Variants in RBBP8NL observed in about 807,000 individuals in gnomAD.
RBBP8NL encodes the protein RBBP8 N-terminal-like protein.
RBBP8NL carries 59 observed loss-of-function variants against 62.2 expected under a neutral mutation model. The ratio of observed to expected loss-of-function variants is 0.95; its 90% CI spans 0.77 to 1.18. The LOEUF (loss-of-function observed/expected upper bound fraction) is 1.18. Among genes scored for constraint, RBBP8NL ranks in the 50% most tolerant of loss-of-function variants. The pLI is 0.00. For missense variants in RBBP8NL, 896 were observed against 899.5 expected, an observed-to-expected ratio of 1.00 and a Z score of 0.05; for synonymous variants, 412 against 394.1, an observed-to-expected ratio of 1.05 and a Z score of -0.54.
rs1988457728 is a variant in RBBP8NL, at chr20:62,412,616, A to G, written c.1876+8T>C. 6.2e-7 allele frequency: 1 copy of G among 1,602,396 alleles called. No homozygotes were observed. The highest frequency in any genetic ancestry group is 1.1e-5 in the South Asian group (1 of 90,932). On this transcript the variant is annotated splice_region_variant and intron_variant, in intron 13 of 13. Transcript: ENST00000252998. The stretch of plus-strand genomic sequence containing the variant: ...CCCTTCCCTGCACCTGCCCCATGCC[A>G]GCTGTACCTTTGTCCCCAGGCTCCG...
At position 62,410,533 on chromosome 20, in the gene RBBP8NL, G is replaced by C; in HGVS notation, c.*345C>G. The C allele has an allele frequency of 3.2e-6, 1 of 314,590 alleles. No homozygotes were observed. Among genetic ancestry groups the C allele is most frequent in the South Asian group, 5.0e-5 (1 of 20,186 alleles). 19.5% of individuals were successfully genotyped at this position (314,590 alleles called of 1,614,324 possible). ...CCACACCCCTCAGGGAGCAGGTGCT[G>C]GGCTGTGGGAGGGGCCGCAGAGCAT... On this transcript the variant is annotated 3_prime_UTR_variant, in exon 14 of 14. Coordinates refer to ENST00000252998, the MANE Select transcript of RBBP8NL (RefSeq NM_080833.3).
At chr20:62,415,731 A>G in intron 7 of RBBP8NL, 57 bp downstream of exon 7, 1 of 1,606,420 alleles carries the variant, frequency 6.2e-7, no homozygotes, top group Non-Finnish European at 8.5e-7. Context: ...CCCCAGGGGG[A>G]GGATCCCTGG....
chr20:62,410,894 G>T lies in RBBP8NL; in HGVS notation c.1979C>A (p.Pro660His). 3 of 1,612,570 alleles carry T rather than the reference G, an allele frequency of 1.9e-6. No individual in the cohort carries two copies. The highest frequency in any genetic ancestry group is 2.5e-6 in the Non-Finnish European group (3 of 1,179,242). The change falls in exon 14 of 14, where the codon CCC becomes CAC. Residue 660 changes from proline to histidine, a missense_variant. Coordinates refer to ENST00000252998, the MANE Select transcript of RBBP8NL (RefSeq NM_080833.3). Reference sequence around the variant, plus strand: ...GCAGGCTGGCTAGGTCTCCTCCCAGGGGCTGCTGTTGGGGGAGGGACTGTG... The same window carrying T: ...GCAGGCTGGCTAGGTCTCCTCCCAGTGGCTGCTGTTGGGGGAGGGACTGTG... ...EDHSPSPNSS[P>H]WEET
chr20:62,416,293 G>GGGGGGGGGGGGGGGC, intron 5 of RBBP8NL, 57 bp from the exon 6 acceptor site: 1 of 701,048 alleles, frequency 1.4e-6, no homozygotes, highest in Non-Finnish European at 2.5e-6. Flanking sequence ...AGGGGCAGGG[G>GGGGGGGGGGGGGGGC]TGGGGTCGTC....
intron 13 of RBBP8NL, among the ~76,000 whole-genome samples, chr20:62,411,335 G>T (rs1601484135): frequency 6.6e-6 from 1 of 152,242 alleles, no homozygotes; most frequent in East Asian, 1.9e-4. Context: ...CTGCCCCCGG[G>T]CTAGGGCCAC....
chr20:62,422,987 G>A (rs924273085), intron 1 of RBBP8NL, among the ~76,000 whole-genome samples: 2 of 152,216 alleles, frequency 1.3e-5, no homozygotes, highest in East Asian at 1.9e-4. Context: ...TGTTGGGTGG[G>A]TGAGGGATCC....
chr20:62,421,395 CAGTGTGCGTG>C (rs759809369), intron 1 of RBBP8NL, among the ~76,000 whole-genome samples: 405 of 123,100 alleles, frequency 3.3e-3, no homozygotes, highest in Admixed American at 6.4e-3. Context: ...ACACCCAAGT[CAGTGTGCGTG>C]AGTGTGCGTG....
In RBBP8NL at chr20:62,412,715, C is replaced by T. The variant is rs540423937; in HGVS notation, c.1785G>A (p.Thr595=). The T allele has an allele frequency of 6.8e-6, 11 of 1,610,988 alleles. No individual in the cohort carries two copies. The highest frequency in any genetic ancestry group is 3.3e-4 in the Middle Eastern group (2 of 6,058). ...AGATGCACTCAGGCCCCTCCCCGGT[C>T]GTGCTCGTAGTGGCCTCCGCCTGGG... ...LSSQAEATTS[T]TGEGPECICT... Residue 595 remains threonine (T), a synonymous_variant, in exon 13 of 14, where the codon ACG becomes ACA. Coordinates refer to ENST00000252998, the MANE Select transcript of RBBP8NL (RefSeq NM_080833.3).
chr20:62,411,782 C>T (rs183319622), intron 13 of RBBP8NL, among the ~76,000 whole-genome samples: 18 of 152,364 alleles, frequency 1.2e-4, no homozygotes, highest in African/African-American at 3.6e-4. Flanking sequence ...CTGCACCCCC[C>T]GGGGCCATTT....
In RBBP8NL at chr20:62,415,903, G is replaced by C. The variant is rs778110302; in HGVS notation, c.429C>G (p.Pro143=). Residue 143 remains proline, a synonymous_variant, in exon 7 of 14, where the codon CCC becomes CCG. Transcript: ENST00000252998. Reference sequence around the variant, plus strand: ...GGGAGGGGAGCAGCAGGGGTGAGGGGGGGTCCGAGGTGCCCTCCTTGGCCC... The same window carrying C: ...GGGAGGGGAGCAGCAGGGGTGAGGGCGGGTCCGAGGTGCCCTCCTTGGCCC... ...KPRAKEGTSD[P]PSPLLLPSPG... The C allele has an allele frequency of 1.3e-6, 2 of 1,588,126 alleles. No homozygotes were observed. The highest frequency in any genetic ancestry group is 2.3e-5 in the South Asian group (2 of 87,548).
chr20:62,410,677 T>C lies in RBBP8NL; in HGVS notation c.*201A>G, dbSNP rs140472285. The C allele has an allele frequency of 2.8e-3, 1,650 of 586,900 alleles. 24 individuals are homozygous for C. The highest frequency in any genetic ancestry group is 0.017 in the South Asian group (759 of 43,856). The allele number at this position is 586,900 out of a possible 1,614,324, so 36.4% of individuals were successfully genotyped here. A position where few individuals can be genotyped will look rare whatever the true frequency, so the allele number is the denominator to read the frequency against. On this transcript the variant is annotated 3_prime_UTR_variant, in exon 14 of 14. Transcript: ENST00000252998. ...CGGCTCTTCGGGGTTGCCTGCTGGT[T>C]GGGTGGTGTGCCCTCTCCAGGCTGT...
rs554316622 is a variant in RBBP8NL, at chr20:62,424,158, C to G, written c.-84+3302G>C. On this transcript the variant is annotated intron_variant, in intron 1 of 13. Coordinates refer to ENST00000252998, the MANE Select transcript of RBBP8NL (RefSeq NM_080833.3). ...TGGTCCAGGGTCACCCTCAGCCACT[C>G]CTCCCACTCCCAGACCCTCCCACTC... 2.0e-5 allele frequency among the ~76,000 whole-genome samples: 3 copies of G among 151,910 alleles called. No homozygotes were observed. In the South Asian group the frequency reaches 6.2e-4, roughly 32 times the overall value.
chr20:62,413,317 T>A (rs1988477286), intron 11 of RBBP8NL, 84 bp downstream of exon 11: 1 of 1,354,700 alleles, frequency 7.4e-7, no homozygotes, highest in Admixed American at 3.5e-5. Flanking sequence ...AGACACCCAC[T>A]CCTGGTGGGC....
chr20:62,417,008 C>T, intron 4 of RBBP8NL, 136 bp from the exon 5 acceptor site: 1 of 759,342 alleles, frequency 1.3e-6, no homozygotes, highest in Non-Finnish European at 2.1e-6. Context: ...CCTCTTCCCA[C>T]CCCGTGGGCT....
chr20:62,418,423 C>G lies in RBBP8NL; in HGVS notation c.104G>C (p.Arg35Pro), dbSNP rs993747401. ...KLLELNSERC[R>P]DAQRIEELFS... ...AGGGGCCCTGCTTGGCCTGACTCAC[C>G]GGCACCTCTCTGAGTTCAGTTCCAG... Residue 35 changes from arginine to proline, a missense_variant and splice_region_variant, in exon 3 of 14, where the codon CGG becomes CCG. Transcript: ENST00000252998. 1 of 1,550,352 alleles carries G rather than the reference C, an allele frequency of 6.5e-7. No individual in the cohort carries two copies. Among genetic ancestry groups the G allele is most frequent in the Non-Finnish European group, 8.7e-7 (1 of 1,146,902 alleles).
chr20:62,420,350 GCACACACACA>G (rs55946617), intron 1 of RBBP8NL, among the ~76,000 whole-genome samples: 2,636 of 129,830 alleles, frequency 0.02, 48 homozygotes, highest in African/African-American at 0.061. Flanking sequence ...TGTCCCACAG[GCACACACACA>G]CACACACACA....
chr20:62,424,545 G>A lies in RBBP8NL; in HGVS notation c.-84+2915C>T, dbSNP rs75807614. ...GGACTGCTCCTTAAAACCAAGGGGC[G>A]ACGTGCTGCTCTCACCAGAACGGAA... On this transcript the variant is annotated intron_variant, in intron 1 of 13. Coordinates refer to ENST00000252998, the MANE Select transcript of RBBP8NL (RefSeq NM_080833.3). Among the ~76,000 whole-genome samples the A allele has an allele frequency of 2.6e-4, 39 of 152,288 alleles. No homozygotes were observed. The East Asian group carries it at 6.2e-3, about 24-fold the overall frequency.
chr20:62,419,078 G>C (rs1199940208), intron 2 of RBBP8NL, among the ~76,000 whole-genome samples: 1 of 152,128 alleles, frequency 6.6e-6, no homozygotes. Context: ...GGCCTGGGGC[G>C]TGTCCTAGAA....
chr20:62,411,059 C>T, intron 13 of RBBP8NL, 63 bp from the exon 14 acceptor site: 1 of 1,117,142 alleles, frequency 9.0e-7, no homozygotes, highest in East Asian at 2.3e-5. Context: ...AACACTGGCT[C>T]TCACCTAGGG....
Sources: gnomAD v4.1 joint callset for allele counts (sites outside exome capture counted in the v4.1 genomes callset) on GRCh38, gnomAD v4.1.1 for gene constraint, MANE v1.5 for transcripts, NCBI Gene and HGNC (gene_info 2026-07-23, HGNC 2026-07-21) for gene names.